The following FAM20B variants were observed in gnomAD, a reference collection of about 807,000 sequenced individuals.
FAM20B encodes the protein FAM20B glycosaminoglycan xylosylkinase, also known as glycosaminoglycan xylosylkinase.
A neutral mutation model predicts 43.8 loss-of-function variants in FAM20B; 23 were observed. That is an observed-to-expected ratio of 0.53 (90% CI 0.38 to 0.74). The LOEUF (loss-of-function observed/expected upper bound fraction) is 0.74, where lower values mean the gene tolerates loss of function less well. FAM20B is among the 30% of genes least tolerant of loss of function. FAM20B has a pLI of 0.00. For missense variants in FAM20B, 440 were observed against 510.5 expected (o/e 0.86, Z 1.33); for synonymous variants, 178 against 192.4 (o/e 0.93, Z 0.62).
intron 7 of FAM20B, among the ~76,000 whole-genome samples, chr1:179,069,619 G>A (rs867168525): frequency 6.6e-6 from 1 of 152,020 alleles, no homozygotes; most frequent in South Asian, 2.1e-4. Context: ...TGATCCGTCC[G>A]CCTTGGCCTC....
chr1:179,026,823 C>T (rs1397514808), intron 1 of FAM20B, among the ~76,000 whole-genome samples: 1 of 152,206 alleles, frequency 6.6e-6, no homozygotes, highest in Non-Finnish European at 1.5e-5. Context: ...CGAGCTGCGT[C>T]CTTGATTGTG....
chr1:179,061,816 A>G (rs1651476676), intron 4 of FAM20B, among the ~76,000 whole-genome samples: 1 of 152,162 alleles, frequency 6.6e-6, no homozygotes, highest in South Asian at 2.1e-4. Flanking sequence ...GCTTATTTAT[A>G]TCACCATGAA....
At chr1:179,060,722 A>G (rs1162504109) in intron 4 of FAM20B, among the ~76,000 whole-genome samples, 1 of 152,156 alleles carries the variant, frequency 6.6e-6, no homozygotes, top group African/African-American at 2.4e-5. Context: ...TATTTCACAC[A>G]TGAGCAAGTA....
intron 4 of FAM20B, among the ~76,000 whole-genome samples, chr1:179,062,815 GTC>G (rs1651526279): frequency 6.6e-6 from 1 of 152,102 alleles, no homozygotes; most frequent in Non-Finnish European, 1.5e-5. Context: ...CACTCAGTCT[GTC>G]TACTTATTTG....
In FAM20B at chr1:179,073,265, T is replaced by G. The variant is rs1652003189; in HGVS notation, c.*1121T>G. On this transcript the variant is annotated 3_prime_UTR_variant, in exon 8 of 8. Coordinates refer to ENST00000263733, the MANE Select transcript of FAM20B (RefSeq NM_014864.4). ...TAAGTGGCTGGACTTATCTTGTGAT[T>G]TGGGGCCATGGAAGATTGGAAACAA... is the stretch of plus-strand genomic sequence containing the variant. 1 of 152,230 alleles carries G rather than the reference T, an allele frequency of 6.6e-6. No homozygotes were observed. The highest frequency in any genetic ancestry group is 1.5e-5 in the Non-Finnish European group (1 of 68,058). The allele number at this position is 152,230 out of a possible 1,614,324, so 9.4% of individuals were successfully genotyped here.
chr1:179,071,989 G>A lies in FAM20B; in HGVS notation c.1075G>A (p.Ala359Thr), dbSNP rs775553811. 1.1e-5 allele frequency: 18 copies of A among 1,613,988 alleles called. No individual in the cohort carries two copies. Among genetic ancestry groups the A allele is most frequent in the Non-Finnish European group, 1.3e-5 (15 of 1,179,994 alleles). Reference sequence around the variant, plus strand: ...AAAGTCTGCCTTAAAATCTGCCATGGCCCATGACCCCATCTCCCCAGTGCT... The same window carrying A: ...AAAGTCTGCCTTAAAATCTGCCATGACCCATGACCCCATCTCCCCAGTGCT... ...VLKSALKSAM[A>T]HDPISPVLSD... Residue 359 changes from alanine to threonine, a missense_variant, in exon 8 of 8, where the codon GCC becomes ACC. Transcript: ENST00000263733.
chr1:179,030,302 T>TA (rs879349734), intron 1 of FAM20B, among the ~76,000 whole-genome samples: 271 of 143,764 alleles, frequency 1.9e-3, no homozygotes, highest in African/African-American at 1.8e-3. Context: ...TAGTTTTCTG[T>TA]AAAAAAAAAA....
At chr1:179,025,087 A>G (rs1649699717), upstream of FAM20B, among the ~76,000 whole-genome samples, 1 of 152,208 alleles carries the variant, frequency 6.6e-6, no homozygotes, top group South Asian at 2.1e-4. Flanking sequence ...TATATGGTGA[A>G]TAAATGGATG....
chr1:179,067,895 C>G (rs1223648488), intron 7 of FAM20B, among the ~76,000 whole-genome samples: 1 of 152,238 alleles, frequency 6.6e-6, no homozygotes, highest in East Asian at 1.9e-4. Flanking sequence ...TCCCGAGTAG[C>G]TGGGACTACA....
chr1:179,071,303 A>T (rs2025581), intron 7 of FAM20B, among the ~76,000 whole-genome samples: 69,338 of 151,662 alleles, frequency 0.46, 16,140 homozygotes, highest in African/African-American at 0.49. Context: ...CTCAAAAAAA[A>T]AATAATAATA....
In FAM20B at chr1:179,075,502, TG is replaced by T. The variant is rs1321135838; in HGVS notation, c.*3361del. On this transcript the variant is annotated 3_prime_UTR_variant, in exon 8 of 8. Coordinates refer to ENST00000263733, the MANE Select transcript of FAM20B (RefSeq NM_014864.4). ...TGTTCTTTAGTGTAAGGCTGCATTG[TG>T]GGTTTGGGGGAAATGTAAATAATTT... 3 of 152,588 alleles carry T rather than the reference TG, an allele frequency of 2.0e-5. No individual in the cohort carries two copies. Among genetic ancestry groups the T allele is most frequent in the Non-Finnish European group, 4.4e-5 (3 of 68,034 alleles). The allele number at this position is 152,588 out of a possible 1,614,324, so 9.5% of individuals were successfully genotyped here. A position where few individuals can be genotyped will look rare whatever the true frequency, so the allele number is the denominator to read the frequency against.
At chr1:179,033,141 T>C (rs1412000231) in intron 1 of FAM20B, among the ~76,000 whole-genome samples, 1 of 152,196 alleles carries the variant, frequency 6.6e-6, no homozygotes, top group Non-Finnish European at 1.5e-5. Flanking sequence ...AAAGATGTGA[T>C]TTTTGCTATT....
intron 6 of FAM20B, among the ~76,000 whole-genome samples, chr1:179,065,781 A>G (rs867854324): frequency 5.3e-5 from 8 of 152,212 alleles, no homozygotes; most frequent in African/African-American, 1.4e-4. Context: ...TCGGGCCGCT[A>G]TAACAAAATC....
At chr1:179,051,936 C>T (rs1260693658) in intron 3 of FAM20B, among the ~76,000 whole-genome samples, 2 of 151,862 alleles carry the variant, frequency 1.3e-5, no homozygotes, top group East Asian at 3.9e-4. Context: ...ACGTGAGTCA[C>T]CACGCCCAGC....
At chr1:179,070,503 G>C (rs1651873618) in intron 7 of FAM20B, among the ~76,000 whole-genome samples, 1 of 150,122 alleles carries the variant, frequency 6.7e-6, no homozygotes, top group South Asian at 2.1e-4. Context: ...GGCAACAAGG[G>C]GCTGAACTCG....
At chr1:179,033,681 C>A (rs1388526032) in intron 1 of FAM20B, among the ~76,000 whole-genome samples, 1 of 152,054 alleles carries the variant, frequency 6.6e-6, no homozygotes. Context: ...TTTGTTATTT[C>A]TTTCTTTCTT....
At chr1:179,068,107 A>G (rs927750104) in intron 7 of FAM20B, among the ~76,000 whole-genome samples, 3 of 152,290 alleles carry the variant, frequency 2.0e-5, no homozygotes. Flanking sequence ...ATTAGCTGGG[A>G]TCCACCTTGC....
At chr1:179,026,368 C>T (rs1649776416) in intron 1 of FAM20B, among the ~76,000 whole-genome samples, 1 of 151,894 alleles carries the variant, frequency 6.6e-6, no homozygotes, top group Non-Finnish European at 1.5e-5. Context: ...GCTGAAGGGA[C>T]GCGGCCTCGG....
At chr1:179,068,405 CA>C (rs1651777940) in intron 7 of FAM20B, among the ~76,000 whole-genome samples, 1 of 151,938 alleles carries the variant, frequency 6.6e-6, no homozygotes, top group Non-Finnish European at 1.5e-5. Flanking sequence ...ATAGCAAAGA[CA>C]TAGTGTGATA....
Sources: allele counts gnomAD v4.1 joint callset (sites outside exome capture counted in the v4.1 genomes callset), GRCh38; gene constraint gnomAD v4.1.1; transcripts MANE v1.5; gene names NCBI Gene and HGNC (gene_info 2026-07-23, HGNC 2026-07-21).